Variants in ALKBH1 observed in about 807,000 individuals in gnomAD.
ALKBH1 encodes nucleic acid dioxygenase ALKBH1.
A neutral mutation model predicts 36.6 loss-of-function variants in ALKBH1; 31 were observed. The ratio of observed to expected loss-of-function variants is 0.85; its 90% CI spans 0.64 to 1.14. ALKBH1 has a LOEUF of 1.14. Ranked by LOEUF, ALKBH1 falls within the 50% of genes most tolerant of loss-of-function variation. The pLI, the probability that ALKBH1 is intolerant of heterozygous loss-of-function variation, is 0.00. For missense variants in ALKBH1, 490 were observed against 497.3 expected (o/e 0.99, Z 0.14); for synonymous variants, 183 against 186.6 (o/e 0.98, Z 0.16).
At chr14:77,694,987 T>C in intron 2 of ALKBH1, 87 bp from the exon 3 acceptor site, 1 of 1,157,580 alleles carries the variant, frequency 8.6e-7, no homozygotes, top group African/African-American at 1.6e-5. Flanking sequence ...ATACTCACTA[T>C]TTTGTTATTT....
intron 2 of ALKBH1, among the ~76,000 whole-genome samples, chr14:77,696,101 A>C (rs1459267430): frequency 6.6e-6 from 1 of 152,204 alleles, no homozygotes; most frequent in Non-Finnish European, 1.5e-5. Flanking sequence ...CAAAAACAAA[A>C]GATAAATAAT....
At chr14:77,685,167 G>A (rs544481490) in intron 3 of ALKBH1, among the ~76,000 whole-genome samples, 337 of 152,290 alleles carry the variant, frequency 2.2e-3, no homozygotes, top group Non-Finnish European at 3.4e-3. Flanking sequence ...CTCTCACTGG[G>A]AGCGGTGGCT....
Position 77,694,776 on chromosome 14 carries a change from CTCT to C in ALKBH1, c.414_416del (p.Glu139del), listed in dbSNP as rs777432181. On this transcript the variant is annotated inframe_deletion, in exon 3 of 6. Transcript: ENST00000216489. ...TGCTCTGTTCCCACAGATCTTGGGT[CTCT>C]TCTTTAGACATGTGTTTGTCCAGGT... 4.4e-6 allele frequency: 7 copies of C among 1,605,222 alleles called. No individual in the cohort carries two copies. In the South Asian group the frequency reaches 7.9e-5, roughly 18 times the overall value.
intron 2 of ALKBH1, among the ~76,000 whole-genome samples, chr14:77,696,246 T>C (rs572441946): frequency 2.6e-5 from 4 of 152,082 alleles, no homozygotes; most frequent in African/African-American, 9.6e-5. Context: ...TGGAGAACAG[T>C]GGTGTGATCC....
At position 77,704,397 on chromosome 14, in the gene ALKBH1, C is replaced by T; in HGVS notation, c.264G>A (p.Trp88Ter). ...YRAGLQPVSK[W>*]QAYGLKGYPG... ...GATAGCCTTTGAGTCCATAGGCTTGCCACTTGCTGACGGGCTGAAGACCTG... is the reference window on the plus strand; with the variant it reads ...GATAGCCTTTGAGTCCATAGGCTTGTCACTTGCTGACGGGCTGAAGACCTG... The change falls in exon 2 of 6, where the codon TGG becomes TGA. Residue 88 changes from tryptophan to a stop codon, truncating the protein, a stop_gained. Coordinates refer to ENST00000216489, the MANE Select transcript of ALKBH1 (RefSeq NM_006020.3). LOFTEE classifies it high-confidence loss of function. The T allele has an allele frequency of 6.2e-7, 1 of 1,614,076 alleles. No individual in the cohort carries two copies. Among genetic ancestry groups the T allele is most frequent in the Non-Finnish European group, 8.5e-7 (1 of 1,179,950 alleles).
chr14:77,675,968 C>A, intron 4 of ALKBH1, 119 bp from the exon 5 acceptor site: 3 of 822,864 alleles, frequency 3.6e-6, no homozygotes, highest in Non-Finnish European at 5.6e-6. Context: ...AACATATTAA[C>A]ACAGCATTAT....
In ALKBH1 at chr14:77,707,994, A is replaced by C; in HGVS notation, c.11T>G (p.Met4Arg). 1 of 1,609,400 alleles carries C rather than the reference A, an allele frequency of 6.2e-7. No individual in the cohort carries two copies. The highest frequency in any genetic ancestry group is 1.7e-5 in the Admixed American group (1 of 59,544). Residue 4 changes from methionine (M) to arginine (R), a missense_variant, in exon 1 of 6, where the codon ATG becomes AGG. By Grantham distance (91) the Met-to-Arg change is moderately conservative (BLOSUM62 -1). Transcript: ENST00000216489. MGKMAAAVGSVATL... is the reference protein window; with the variant it reads MGKRAAAVGSVATL... The stretch of plus-strand genomic sequence containing the variant: ...CGCCACAGAGCCCACGGCCGCTGCC[A>C]TCTTCCCCATCTCGCGGCCTATACC...
chr14:77,684,507 A>C (rs1276345515), intron 3 of ALKBH1, among the ~76,000 whole-genome samples: 1 of 152,046 alleles, frequency 6.6e-6, no homozygotes, highest in Non-Finnish European at 1.5e-5. Flanking sequence ...GATTACAGGC[A>C]TGCACCACCA....
chr14:77,698,528 G>A (rs907859605), intron 2 of ALKBH1, among the ~76,000 whole-genome samples: 5 of 152,202 alleles, frequency 3.3e-5, no homozygotes, highest in African/African-American at 9.6e-5. Context: ...AGGAATCCAA[G>A]CAATGATATA....
chr14:77,686,558 T>C (rs992439316), intron 3 of ALKBH1, among the ~76,000 whole-genome samples: 1 of 152,220 alleles, frequency 6.6e-6, no homozygotes, highest in African/African-American at 2.4e-5. Context: ...AATGTGCTCA[T>C]ACAGCAGTTT....
At chr14:77,674,571 C>A (rs960763234) in intron 5 of ALKBH1, among the ~76,000 whole-genome samples, 1 of 151,916 alleles carries the variant, frequency 6.6e-6, no homozygotes, top group Non-Finnish European at 1.5e-5. Flanking sequence ...AAAGACAGAG[C>A]CTTATTTCGT....
intron 2 of ALKBH1, among the ~76,000 whole-genome samples, chr14:77,702,964 G>T (rs2080367599): frequency 6.6e-6 from 1 of 152,042 alleles, no homozygotes; most frequent in South Asian, 2.1e-4. Flanking sequence ...AAACCAGCTT[G>T]GCCAACATGA....
In ALKBH1 at chr14:77,692,934, A is replaced by C. The variant is rs2080305945; in HGVS notation, c.455+1804T>G. On this transcript the variant is annotated intron_variant, in intron 3 of 5. Coordinates refer to ENST00000216489, the MANE Select transcript of ALKBH1 (RefSeq NM_006020.3). Reference sequence around the variant, plus strand: ...AAAAAAAATTTTTTTGGGGCCGGGAAGTGCCTTACACCTGTAATCCCAGCA... The same window carrying C: ...AAAAAAAATTTTTTTGGGGCCGGGACGTGCCTTACACCTGTAATCCCAGCA... 2.0e-5 allele frequency among the ~76,000 whole-genome samples: 3 copies of C among 151,868 alleles called. No homozygotes were observed. In the South Asian group the frequency reaches 6.2e-4, roughly 32 times the overall value.
chr14:77,692,638 A>AC (rs1463564572), intron 3 of ALKBH1, among the ~76,000 whole-genome samples: 1 of 151,922 alleles, frequency 6.6e-6, no homozygotes, highest in Non-Finnish European at 1.5e-5. Flanking sequence ...TAAAACCTTT[A>AC]CCATCTGGCC....
intron 3 of ALKBH1, chr14:77,692,033 C>T (rs1352782702): frequency 6.6e-6 from 1 of 152,178 alleles, no homozygotes; most frequent in African/African-American, 2.4e-5. Flanking sequence ...TTCCTTTCCC[C>T]TTAAGAAAAT....
chr14:77,685,919 T>C (rs2080265920), intron 3 of ALKBH1, among the ~76,000 whole-genome samples: 1 of 152,216 alleles, frequency 6.6e-6, no homozygotes, highest in African/African-American at 2.4e-5. Flanking sequence ...TGAGTGTCTA[T>C]GCCATTTTGG....
At chr14:77,702,364 G>C (rs1164658539) in intron 2 of ALKBH1, among the ~76,000 whole-genome samples, 1 of 151,936 alleles carries the variant, frequency 6.6e-6, no homozygotes, top group Non-Finnish European at 1.5e-5. Context: ...CGGCCTCCAA[G>C]AACAAGACTA....
chr14:77,688,143 T>C (rs2080278256), intron 3 of ALKBH1, among the ~76,000 whole-genome samples: 1 of 152,238 alleles, frequency 6.6e-6, no homozygotes, highest in Non-Finnish European at 1.5e-5. Flanking sequence ...AGATAATTGT[T>C]AACTTTCTTT....
Position 77,673,951 on chromosome 14 carries a change from C to A in ALKBH1, c.1031G>T (p.Arg344Leu). The A allele has an allele frequency of 6.2e-7, 1 of 1,614,164 alleles. No homozygotes were observed. Among genetic ancestry groups the A allele is most frequent in the South Asian group, 1.1e-5 (1 of 91,076 alleles). ...ATTCTGGTCTGTGGCCAGGACCTGTCGGACAGTCATGTTAACACGAGCGGT... is the reference window on the plus strand; with the variant it reads ...ATTCTGGTCTGTGGCCAGGACCTGTAGGACAGTCATGTTAACACGAGCGGT... ...LKTARVNMTV[R>L]QVLATDQNFP... is the part of the protein sequence containing the mutation. The change falls in exon 6 of 6, where the codon CGA (arginine) becomes CTA (leucine). Residue 344 changes from arginine to leucine, a missense_variant. Coordinates refer to ENST00000216489, the MANE Select transcript of ALKBH1 (RefSeq NM_006020.3).
Sources: allele counts gnomAD v4.1 joint callset (sites outside exome capture counted in the v4.1 genomes callset), GRCh38; gene constraint gnomAD v4.1.1; transcripts MANE v1.5; gene names NCBI Gene and HGNC (gene_info 2026-07-23, HGNC 2026-07-21).